The following DYNLRB2 variants were observed in gnomAD, a reference collection of about 807,000 sequenced individuals.
DYNLRB2 encodes the protein bithoraxoid-like protein.
In DYNLRB2, 14 loss-of-function variants were observed where a neutral mutation model predicts 12.6. That is an observed-to-expected ratio of 1.11 (90% CI 0.73 to 1.73). DYNLRB2 has a LOEUF of 1.73. Among genes scored for constraint, DYNLRB2 ranks in the 40% most tolerant of loss-of-function variants. DYNLRB2 has a pLI of 0.00. For synonymous variants in DYNLRB2, 53 were observed against 37.0 expected (o/e 1.43, Z -1.57); for missense variants, 142 against 117.7 (o/e 1.21, Z -0.95).
At chr16:80,540,975 G>A (rs1227199194), upstream of DYNLRB2, 73 of 1,573,714 alleles carry the variant, frequency 4.6e-5, no homozygotes, top group Non-Finnish European at 5.9e-5. Context: ...ACGCTTCCGT[G>A]GGGCCACTTC....
rs775659372 is a variant in DYNLRB2, at chr16:80,545,666, C to CTTTTTTTTTTTTTTTTTT, written c.79+2317_79+2334dup. ...TATTATTTTCAGTACCCATTAGCTT[C>CTTTTTTTTTTTTTTTTTT]TTTTTTTTTTTTTTTTTTTGAGATG... On this transcript the variant is annotated intron_variant, in intron 2 of 3. Coordinates refer to ENST00000305904, the MANE Select transcript of DYNLRB2 (RefSeq NM_130897.3). Among the ~76,000 whole-genome samples, 77 of 74,914 alleles carry CTTTTTTTTTTTTTTTTTT rather than the reference C, an allele frequency of 1.0e-3. 16 individuals carry two copies. Among genetic ancestry groups the CTTTTTTTTTTTTTTTTTT allele is most frequent in the Non-Finnish European group, 1.4e-3 (57 of 40,190 alleles). 49.1% of individuals were successfully genotyped at this position (74,914 alleles called of 152,430 possible).
chr16:80,546,141 C>T (rs546856881), intron 2 of DYNLRB2, among the ~76,000 whole-genome samples: 2 of 152,142 alleles, frequency 1.3e-5, no homozygotes, highest in South Asian at 2.1e-4. Context: ...TGTTAATAAC[C>T]AGAGTATATA....
At chr16:80,540,913 G>C (rs887571595), upstream of DYNLRB2, 1 of 1,305,238 alleles carries the variant, frequency 7.7e-7, no homozygotes, top group African/African-American at 1.5e-5. Flanking sequence ...GAGGCATCAG[G>C]AGCGCGGTCA....
Position 80,549,536 on chromosome 16 carries a change from CCTT to C in DYNLRB2, c.137_139del (p.Leu46del). 1 of 1,613,372 alleles carries C rather than the reference CCTT, an allele frequency of 6.2e-7. No individual in the cohort carries two copies. Among genetic ancestry groups the C allele is most frequent in the Non-Finnish European group, 8.5e-7 (1 of 1,179,528 alleles). On this transcript the variant is annotated inframe_deletion, in exon 3 of 4. Coordinates refer to ENST00000305904, the MANE Select transcript of DYNLRB2 (RefSeq NM_130897.3). ...ACTCAACAACTGTTCAATATGCAGGCCTTCTTCATCACCTGACAATGAAAGCCA... is the reference window on the plus strand; with the variant it reads ...ACTCAACAACTGTTCAATATGCAGGCCTTCATCACCTGACAATGAAAGCCA...
Position 80,540,994 on chromosome 16 carries a change from T to C in DYNLRB2, c.-83T>C. 1 of 1,587,754 alleles carries C rather than the reference T, an allele frequency of 6.3e-7. No homozygotes were observed. The highest frequency in any genetic ancestry group is 8.6e-7 in the Non-Finnish European group (1 of 1,165,166). Reference sequence around the variant, plus strand: ...TTCCGTGGGGCCACTTCCTTTTTTGTCTCCTAGCAACGGCGGGTAGCGTTG... The same window carrying C: ...TTCCGTGGGGCCACTTCCTTTTTTGCCTCCTAGCAACGGCGGGTAGCGTTG... On this transcript the variant is annotated 5_prime_UTR_variant, in exon 1 of 4. Transcript: ENST00000305904.
At chr16:80,542,229 A>G (rs1462852783) in intron 1 of DYNLRB2, among the ~76,000 whole-genome samples, 1 of 152,244 alleles carries the variant, frequency 6.6e-6, no homozygotes, top group African/African-American at 2.4e-5. Context: ...TGGTAGTGAC[A>G]TACGATTTCC....
Position 80,548,077 on chromosome 16 carries a change from AT to A in DYNLRB2, c.80-1405del, listed in dbSNP as rs1329511877. ...CTCGTTTAATCGTTTCTGGACCCAC[AT>A]TCTCTGAAGGAAACCAGGAGCCATG... On this transcript the variant is annotated intron_variant, in intron 2 of 3. Coordinates refer to ENST00000305904, the MANE Select transcript of DYNLRB2 (RefSeq NM_130897.3). 4.0e-5 allele frequency: 10 copies of A among 250,918 alleles called. No individual in the cohort carries two copies. In the Admixed American group the frequency reaches 5.2e-4, roughly 13 times the overall value. 15.5% of individuals were successfully genotyped at this position (250,918 alleles called of 1,614,324 possible).
intron 2 of DYNLRB2, 45 bp downstream of exon 2, chr16:80,543,396 A>C: frequency 6.3e-7 from 1 of 1,596,554 alleles, no homozygotes; most frequent in South Asian, 1.1e-5. Context: ...GAAGCCAACC[A>C]GGAACCTGTT....
At chr16:80,547,606 A>G (rs1400439001) in intron 2 of DYNLRB2, among the ~76,000 whole-genome samples, 1 of 152,200 alleles carries the variant, frequency 6.6e-6, no homozygotes, top group Non-Finnish European at 1.5e-5. Flanking sequence ...TACATTTTAA[A>G]TAATTTATTC....
At position 80,550,581 on chromosome 16, in the gene DYNLRB2, T is replaced by G. The variant is rs369984401; in HGVS notation, c.*23T>G. On this transcript the variant is annotated 3_prime_UTR_variant, in exon 4 of 4. Coordinates refer to ENST00000305904, the MANE Select transcript of DYNLRB2 (RefSeq NM_130897.3). ...TAGACCTGCGATGGCCAAGGCTGTTTAAGCGACACTGGGTTGGAAACACTT... is the reference window on the plus strand; with the variant it reads ...TAGACCTGCGATGGCCAAGGCTGTTGAAGCGACACTGGGTTGGAAACACTT... The G allele has an allele frequency of 1.2e-6, 2 of 1,613,970 alleles. No homozygotes were observed. The highest frequency in any genetic ancestry group is 1.7e-6 in the Non-Finnish European group (2 of 1,179,926).
At chr16:80,540,849 C>A (rs2142301882), upstream of DYNLRB2, 1 of 763,804 alleles carries the variant, frequency 1.3e-6, no homozygotes, top group South Asian at 1.5e-5. Flanking sequence ...ATTGGGCGAA[C>A]CTCAGGTGAG....
At chr16:80,543,160 C>A in intron 1 of DYNLRB2, 116 bp from the exon 2 acceptor site, 1 of 1,006,278 alleles carries the variant, frequency 9.9e-7, no homozygotes, top group Non-Finnish European at 1.5e-6. Context: ...GATTATCACA[C>A]CTGGCACCTT....
chr16:80,543,521 A>C (rs1335428291), intron 2 of DYNLRB2, among the ~76,000 whole-genome samples, 170 bp downstream of exon 2: 1 of 152,236 alleles, frequency 6.6e-6, no homozygotes, highest in Non-Finnish European at 1.5e-5. Context: ...TTATATGCCA[A>C]ACACTCTGCT....
At chr16:80,541,110 C>G (rs144837151) in intron 1 of DYNLRB2, 31 bp downstream of exon 1, 63 of 1,605,602 alleles carry the variant, frequency 3.9e-5, no homozygotes, top group Non-Finnish European at 4.9e-5. Context: ...CACGCCCCGC[C>G]GTTCCAAGCA....
In DYNLRB2 at chr16:80,541,066, C is replaced by A; in HGVS notation, c.-11C>A. 6.2e-7 allele frequency: 1 copy of A among 1,607,692 alleles called. No individual in the cohort carries two copies. Among genetic ancestry groups the A allele is most frequent in the Non-Finnish European group, 8.5e-7 (1 of 1,176,538 alleles). On this transcript the variant is annotated 5_prime_UTR_variant, in exon 1 of 4. Coordinates refer to ENST00000305904, the MANE Select transcript of DYNLRB2 (RefSeq NM_130897.3). The stretch of plus-strand genomic sequence containing the variant: ...CCGCCGGCCTGAGCCCAGAGTTTCG[C>A]GGCCTCCGCGATGGTAAATCTGGGG...
chr16:80,541,795 G>C (rs761759172), intron 1 of DYNLRB2, among the ~76,000 whole-genome samples: 19 of 152,082 alleles, frequency 1.2e-4, no homozygotes, highest in Admixed American at 4.6e-4. Flanking sequence ...AGATAAATAA[G>C]GACACAGTGG....
At chr16:80,548,900 C>T (rs1904654057) in intron 2 of DYNLRB2, 1 of 455,874 alleles carries the variant, frequency 2.2e-6, no homozygotes, top group Non-Finnish European at 4.4e-6. Flanking sequence ...TTGATGTACC[C>T]TCTAGCATGT....
intron 2 of DYNLRB2, among the ~76,000 whole-genome samples, chr16:80,547,041 G>C (rs1252267015): frequency 6.6e-6 from 1 of 152,162 alleles, no homozygotes; most frequent in Non-Finnish European, 1.5e-5. Context: ...AGATGACCAA[G>C]GACATATTCT....
At chr16:80,540,873 C>A (rs370780853), upstream of DYNLRB2, 50 of 892,280 alleles carry the variant, frequency 5.6e-5, 1 homozygote, top group East Asian at 6.6e-4. Context: ...CTGCTCCCCT[C>A]TTCCGCGAAC....
Sources: gnomAD v4.1 joint callset for allele counts (sites outside exome capture counted in the v4.1 genomes callset) on GRCh38, gnomAD v4.1.1 for gene constraint, MANE v1.5 for transcripts, NCBI Gene and HGNC (gene_info 2026-07-23, HGNC 2026-07-21) for gene names.